Variants in PLCE1 observed in about 807,000 individuals in gnomAD.
PLCE1 encodes phospholipase C epsilon 1.
A neutral mutation model predicts 242.8 loss-of-function variants in PLCE1; 119 were observed. The ratio of observed to expected loss-of-function variants is 0.49; its 90% CI spans 0.42 to 0.57. PLCE1 has a LOEUF of 0.57. Ranked by LOEUF, PLCE1 falls within the 20% of genes least tolerant of loss-of-function variation. The pLI, the probability that PLCE1 is intolerant of heterozygous loss-of-function variation, is 0.00. For synonymous variants in PLCE1, 945 were observed against 1,017.4 expected (o/e 0.93, Z 1.35); for missense variants, 2,441 against 2,788.8 (o/e 0.88, Z 2.81).
chr10:94,136,275 G>A (rs932390472), intron 3 of PLCE1, among the ~76,000 whole-genome samples: 3 of 152,104 alleles, frequency 2.0e-5, no homozygotes, highest in Non-Finnish European at 2.9e-5. Context: ...GGGCTATAGA[G>A]TTTCTGTTTT....
At chr10:94,188,692 A>C (rs2048561385) in intron 4 of PLCE1, among the ~76,000 whole-genome samples, 1 of 151,932 alleles carries the variant, frequency 6.6e-6, no homozygotes. Context: ...TGCGACCTCC[A>C]CCTCCTGGGT....
intron 2 of PLCE1, among the ~76,000 whole-genome samples, chr10:94,080,787 G>A (rs111861553): frequency 5.3e-5 from 8 of 152,126 alleles, no homozygotes; most frequent in African/African-American, 1.9e-4. Context: ...GTTTGCTTGT[G>A]TTTATTTATT....
rs139933525 is a variant in PLCE1, at chr10:94,013,797, C to A, written c.-364-16886C>A. Among the ~76,000 whole-genome samples, 883 of 152,246 alleles carry A rather than the reference C, an allele frequency of 5.8e-3. 7 individuals carry two copies. The highest frequency in any genetic ancestry group is 9.6e-3 in the Non-Finnish European group (650 of 68,032). ...GGAGGAGGGGCTGCTTTCAAGCAGG[C>A]AAAGCCTTTCTAAGGAGATGACATT... On this transcript the variant is annotated intron_variant, in intron 1 of 32. Transcript: ENST00000371380.
At chr10:94,231,418 T>C (rs1223984129) in intron 5 of PLCE1, among the ~76,000 whole-genome samples, 1 of 152,234 alleles carries the variant, frequency 6.6e-6, no homozygotes, top group Non-Finnish European at 1.5e-5. Flanking sequence ...AAAATGCTTT[T>C]ACTTTTCTGA....
chr10:94,064,523 CAG>C (rs1407659364), intron 2 of PLCE1, among the ~76,000 whole-genome samples: 1 of 152,058 alleles, frequency 6.6e-6, no homozygotes, highest in African/African-American at 2.4e-5. Context: ...GCCTGGGTGA[CAG>C]AGTGAGACTC....
At chr10:94,044,429 T>C (rs2061838195) in intron 2 of PLCE1, among the ~76,000 whole-genome samples, 1 of 152,168 alleles carries the variant, frequency 6.6e-6, no homozygotes, top group Admixed American at 6.5e-5. Flanking sequence ...CAGGATTGGT[T>C]TTATTAGAGA....
rs568647718 is a variant in PLCE1, at chr10:94,312,849, A to C, written c.6004-405A>C. On this transcript the variant is annotated intron_variant, in intron 27 of 32. Coordinates refer to ENST00000371380, the MANE Select transcript of PLCE1 (RefSeq NM_016341.4). ...CTAACAGATATATGTTTGCATTCTA[A>C]TGATTCATGTGCCTGAATGATGTAC... Among the ~76,000 whole-genome samples, 6 of 152,336 alleles carry C rather than the reference A, an allele frequency of 3.9e-5. No individual in the cohort carries two copies. The East Asian group carries it at 1.2e-3, about 29-fold the overall frequency.
At chr10:94,122,139 C>G (rs528568530) in intron 2 of PLCE1, among the ~76,000 whole-genome samples, 1 of 152,166 alleles carries the variant, frequency 6.6e-6, no homozygotes, top group Non-Finnish European at 1.5e-5. Context: ...CACAGCTTAG[C>G]GAGAACATTA....
chr10:94,141,182 G>A (rs1296383488), intron 3 of PLCE1, among the ~76,000 whole-genome samples: 2 of 152,186 alleles, frequency 1.3e-5, no homozygotes, highest in African/African-American at 4.8e-5. Flanking sequence ...AGGACCACAG[G>A]TGGTCAAGTA....
At chr10:94,321,330 G>T (rs1484208536) in intron 29 of PLCE1, among the ~76,000 whole-genome samples, 1 of 152,154 alleles carries the variant, frequency 6.6e-6, no homozygotes, top group Non-Finnish European at 1.5e-5. Flanking sequence ...CAGTCAACTT[G>T]GACTCTCAAA....
In PLCE1 at chr10:94,331,840, T is replaced by C. The variant is rs1164466181; in HGVS notation, c.*3897T>C. ...CTGAAATGAGTCCCTTTGAAACACA[T>C]ACTGAGTCTCTATGATTACCAAGTT... is the stretch of plus-strand genomic sequence containing the variant. On this transcript the variant is annotated 3_prime_UTR_variant, in exon 33 of 33. Coordinates refer to ENST00000371380, the MANE Select transcript of PLCE1 (RefSeq NM_016341.4). 6.7e-6 allele frequency: 1 copy of C among 149,418 alleles called. No individual in the cohort carries two copies. Among genetic ancestry groups the C allele is most frequent in the Non-Finnish European group, 1.5e-5 (1 of 67,934 alleles). 9.3% of individuals were successfully genotyped at this position (149,418 alleles called of 1,614,324 possible). A position where few individuals can be genotyped will look rare whatever the true frequency, so the allele number is the denominator to read the frequency against.
At chr10:94,218,539 G>C (rs1239219228) in intron 4 of PLCE1, among the ~76,000 whole-genome samples, 3 of 152,100 alleles carry the variant, frequency 2.0e-5, no homozygotes, top group Non-Finnish European at 2.9e-5. Context: ...GTATTATAAT[G>C]ACATAAACCA....
At chr10:94,096,113 C>T (rs1467069447) in intron 2 of PLCE1, among the ~76,000 whole-genome samples, 2 of 152,174 alleles carry the variant, frequency 1.3e-5, no homozygotes, top group East Asian at 3.8e-4. Flanking sequence ...TCTCCTTACC[C>T]TCACAGCTGT....
At chr10:94,145,969 G>C (rs1041922084) in intron 3 of PLCE1, among the ~76,000 whole-genome samples, 1 of 152,098 alleles carries the variant, frequency 6.6e-6, no homozygotes, top group African/African-American at 2.4e-5. Context: ...AATGTGTGCA[G>C]CAACTGTGAG....
At chr10:94,046,281 G>A (rs1280197566) in intron 2 of PLCE1, among the ~76,000 whole-genome samples, 1 of 152,182 alleles carries the variant, frequency 6.6e-6, no homozygotes, top group Non-Finnish European at 1.5e-5. Context: ...GTCCCTCCCA[G>A]TCTCTCAGGA....
At chr10:94,191,202 G>A (rs1401427667) in intron 4 of PLCE1, among the ~76,000 whole-genome samples, 12 of 152,140 alleles carry the variant, frequency 7.9e-5, no homozygotes. Flanking sequence ...ATGGCACAAT[G>A]GCAAACATTG....
At chr10:94,282,703 G>A (rs1356259926) in intron 20 of PLCE1, among the ~76,000 whole-genome samples, 1 of 152,050 alleles carries the variant, frequency 6.6e-6, no homozygotes, top group African/African-American at 2.4e-5. Flanking sequence ...TGTTATTTGT[G>A]CTTTGCTTCA....
chr10:94,240,482 G>A (rs917613035), intron 7 of PLCE1, among the ~76,000 whole-genome samples: 11 of 152,142 alleles, frequency 7.2e-5, no homozygotes, highest in African/African-American at 2.7e-4. Context: ...TTTTCCAGAA[G>A]AGAGCATTAA....
Position 94,039,086 on chromosome 10 carries a change from T to C in PLCE1, c.1206+6834T>C, listed in dbSNP as rs2061718707. ...AATCAATATTCATACTTTTCACTGCTGAATAATATTTCATTGTATGATTAT... is the reference window on the plus strand; with the variant it reads ...AATCAATATTCATACTTTTCACTGCCGAATAATATTTCATTGTATGATTAT... On this transcript the variant is annotated intron_variant, in intron 2 of 32. Coordinates refer to ENST00000371380, the MANE Select transcript of PLCE1 (RefSeq NM_016341.4). 3.9e-5 allele frequency among the ~76,000 whole-genome samples: 6 copies of C among 152,246 alleles called. No homozygotes were observed. In the South Asian group the frequency reaches 1.2e-3, roughly 32 times the overall value.
Sources: gnomAD v4.1 joint callset for allele counts (sites outside exome capture counted in the v4.1 genomes callset) on GRCh38, gnomAD v4.1.1 for gene constraint, MANE v1.5 for transcripts, NCBI Gene and HGNC (gene_info 2026-07-23, HGNC 2026-07-21) for gene names.